Variants in PDE3B observed in about 807,000 individuals in gnomAD.
The protein encoded by PDE3B is cGMP-inhibited 3',5'-cyclic phosphodiesterase 3B.
PDE3B carries 66 observed loss-of-function variants against 116.8 expected under a neutral mutation model. That is an observed-to-expected ratio of 0.56 (90% CI 0.46 to 0.69). The LOEUF is 0.69. Ranked by LOEUF, PDE3B falls within the 30% of genes least tolerant of loss-of-function variation. The pLI is 0.00. For missense variants in PDE3B, 1,384 were observed against 1,368.1 expected (o/e 1.01, Z -0.18); for synonymous variants, 595 against 533.6 (o/e 1.12, Z -1.59).
At chr11:14,661,867 C>T (rs927741004) in intron 1 of PDE3B, among the ~76,000 whole-genome samples, 3 of 152,338 alleles carry the variant, frequency 2.0e-5, no homozygotes, top group Middle Eastern at 3.4e-3. Context: ...TAGGCTCCAC[C>T]TCTGGGGGCA....
chr11:14,740,958 C>G (rs1264790577), intron 1 of PDE3B, among the ~76,000 whole-genome samples: 2 of 152,122 alleles, frequency 1.3e-5, no homozygotes, highest in African/African-American at 4.8e-5. Flanking sequence ...GCACTGTGGC[C>G]TGAGAAACTG....
chr11:14,786,550 G>T lies in PDE3B; in HGVS notation c.1143G>T (p.Arg381=), dbSNP rs1462453266. Residue 381 remains arginine, a synonymous_variant, in exon 3 of 16, where the codon CGG becomes CGT. Transcript: ENST00000282096. ...SLPPQVISSL[R]SISSLMGAFS... ...CACCACAAGTCATTTCCTCTCTACG[G>T]AGTATTAGTAGCTTAATGGGTGCTT... is the stretch of plus-strand genomic sequence containing the variant. 2.5e-6 allele frequency: 4 copies of T among 1,613,172 alleles called. No homozygotes were observed. The highest frequency in any genetic ancestry group is 2.5e-6 in the Non-Finnish European group (3 of 1,179,450).
chr11:14,863,498 A>C (rs1397196412), intron 14 of PDE3B, among the ~76,000 whole-genome samples: 1 of 152,162 alleles, frequency 6.6e-6, no homozygotes, highest in African/African-American at 2.4e-5. Context: ...ACGATGCATA[A>C]TCATTGGATT....
chr11:14,854,952 A>T (rs1341831438), intron 12 of PDE3B, among the ~76,000 whole-genome samples: 2 of 152,118 alleles, frequency 1.3e-5, no homozygotes, highest in Non-Finnish European at 2.9e-5. Context: ...GCATCTAATT[A>T]TTTTTTTTAA....
intron 1 of PDE3B, among the ~76,000 whole-genome samples, chr11:14,667,300 G>T (rs1854193887): frequency 1.3e-5 from 2 of 150,808 alleles, no homozygotes; most frequent in South Asian, 2.1e-4. Flanking sequence ...GGGGGGAGTG[G>T]GGAGGGATAG....
chr11:14,801,731 C>T lies in PDE3B; in HGVS notation c.1416-2213C>T, dbSNP rs745717534. Among the ~76,000 whole-genome samples, 19 of 152,144 alleles carry T rather than the reference C, an allele frequency of 1.2e-4. 1 individual carries two copies. The highest frequency in any genetic ancestry group is 1.2e-3 in the Admixed American group (18 of 15,272). ...TGGTTAAGTCTGCTGAAGCTGCACCCGTAGCCACCCCTTCCCCCAGGTGCT... is the reference window on the plus strand; with the variant it reads ...TGGTTAAGTCTGCTGAAGCTGCACCTGTAGCCACCCCTTCCCCCAGGTGCT... On this transcript the variant is annotated intron_variant, in intron 4 of 15. Transcript: ENST00000282096.
chr11:14,875,140 A>C (rs1202442826), downstream of PDE3B, among the ~76,000 whole-genome samples: 1 of 152,260 alleles, frequency 6.6e-6, no homozygotes, highest in Non-Finnish European at 1.5e-5. Flanking sequence ...TGTTTATCCC[A>C]GTAAATCTGC....
At position 14,764,281 on chromosome 11, in the gene PDE3B, A is replaced by G. The variant is rs1038734912; in HGVS notation, c.979-7656A>G. 2.7e-4 allele frequency among the ~76,000 whole-genome samples: 41 copies of G among 152,064 alleles called. 1 individual carries two copies. The highest frequency in any genetic ancestry group is 9.2e-4 in the African/African-American group (38 of 41,410). On this transcript the variant is annotated intron_variant, in intron 1 of 15. Transcript: ENST00000282096. ...TGATCTCTCTCTACTCCTCAACTCTATTTTTCTGCTATTGACCTCCATTGG... is the reference window on the plus strand; with the variant it reads ...TGATCTCTCTCTACTCCTCAACTCTGTTTTTCTGCTATTGACCTCCATTGG...
chr11:14,788,898 T>C (rs1337217171), intron 3 of PDE3B: 2 of 358,278 alleles, frequency 5.6e-6, no homozygotes, highest in Non-Finnish European at 1.0e-5. Flanking sequence ...TTCAGACATA[T>C]TTTTTAGTAG....
chr11:14,869,406 T>C, intron 15 of PDE3B, 55 bp from the exon 16 acceptor site: 1 of 1,473,110 alleles, frequency 6.8e-7, no homozygotes, highest in Non-Finnish European at 9.3e-7. Flanking sequence ...TAATATTTGT[T>C]GAATGATTAA....
intron 12 of PDE3B, among the ~76,000 whole-genome samples, chr11:14,845,428 A>G (rs1219748825): frequency 2.3e-4 from 35 of 152,246 alleles, no homozygotes; most frequent in Non-Finnish European, 4.1e-4. Context: ...AAAAAGCAGA[A>G]CGCCTCTCCT....
intron 1 of PDE3B, among the ~76,000 whole-genome samples, chr11:14,688,415 A>T (rs917991256): frequency 1.3e-5 from 2 of 152,072 alleles, no homozygotes; most frequent in Non-Finnish European, 2.9e-5. Context: ...GCTGACACTT[A>T]TGTCAGCACT....
chr11:14,704,927 G>A (rs1226351250), intron 1 of PDE3B, among the ~76,000 whole-genome samples: 1 of 151,260 alleles, frequency 6.6e-6, no homozygotes, highest in East Asian at 1.9e-4. Flanking sequence ...AAAAGATAAG[G>A]GTTAACATAG....
At chr11:14,674,265 C>T in intron 1 of PDE3B, 1 of 1,145,172 alleles carries the variant, frequency 8.7e-7, no homozygotes, top group Non-Finnish European at 1.3e-6. Flanking sequence ...GACCAGATGT[C>T]TTCTTTCCTG....
intron 1 of PDE3B, among the ~76,000 whole-genome samples, chr11:14,727,397 G>C (rs1856339681): frequency 6.6e-6 from 1 of 152,096 alleles, no homozygotes; most frequent in South Asian, 2.1e-4. Context: ...GAGGTTCAGA[G>C]GGCTTAGGTA....
chr11:14,871,208 G>T lies in PDE3B; in HGVS notation c.*1548G>T, dbSNP rs929021506. On this transcript the variant is annotated 3_prime_UTR_variant, in exon 16 of 16. Coordinates refer to ENST00000282096, the MANE Select transcript of PDE3B (RefSeq NM_000922.4). The stretch of plus-strand genomic sequence containing the variant: ...GATCTCTGGAAGTGTTAGAATTTTT[G>T]ATCCTTCACAGTGTCAATATTTAAT... The T allele has an allele frequency of 1.2e-4, 19 of 152,102 alleles. No individual in the cohort carries two copies. The highest frequency in any genetic ancestry group is 9.8e-4 in the Admixed American group (15 of 15,270). 9.4% of individuals were successfully genotyped at this position (152,102 alleles called of 1,614,324 possible). A position where few individuals can be genotyped will look rare whatever the true frequency, so the allele number is the denominator to read the frequency against.
chr11:14,682,268 T>C (rs766435179), intron 1 of PDE3B, among the ~76,000 whole-genome samples: 7 of 152,246 alleles, frequency 4.6e-5, no homozygotes, highest in Non-Finnish European at 8.8e-5. Context: ...AAGGGTCGAC[T>C]GTAAATGATA....
At chr11:14,735,427 A>G (rs1035299020) in intron 1 of PDE3B, among the ~76,000 whole-genome samples, 2 of 152,202 alleles carry the variant, frequency 1.3e-5, no homozygotes, top group African/African-American at 4.8e-5. Flanking sequence ...GAGTTTTAAA[A>G]ATGATTACAA....
At chr11:14,726,399 A>T (rs557549931) in intron 1 of PDE3B, among the ~76,000 whole-genome samples, 3 of 151,122 alleles carry the variant, frequency 2.0e-5, no homozygotes, top group Admixed American at 2.0e-4. Flanking sequence ...TTCCATAAAC[A>T]TTTTTTTTTA....
Sources: gnomAD v4.1 joint callset for allele counts (sites outside exome capture counted in the v4.1 genomes callset) on GRCh38, gnomAD v4.1.1 for gene constraint, MANE v1.5 for transcripts, NCBI Gene and HGNC (gene_info 2026-07-23, HGNC 2026-07-21) for gene names.